Variants in LRCH1 observed in about 807,000 individuals in gnomAD.
LRCH1 encodes the protein leucine-rich repeat and calponin homology domain-containing protein 1.
Under a neutral mutation model 94.9 loss-of-function variants are expected in LRCH1, and 23 were observed. The observed-to-expected ratio is 0.24, with a 90% CI of 0.17 to 0.34. LRCH1 has a LOEUF of 0.34. LRCH1 is among the 10% of genes least tolerant of loss of function. LRCH1 has a pLI of 1.00. For synonymous variants in LRCH1, 364 were observed against 354.9 expected (o/e 1.03, Z -0.29); for missense variants, 790 against 945.9 (o/e 0.84, Z 2.16).
chr13:46,628,962 T>C (rs1290352603), intron 1 of LRCH1, among the ~76,000 whole-genome samples: 1 of 152,200 alleles, frequency 6.6e-6, no homozygotes, highest in Non-Finnish European at 1.5e-5. Flanking sequence ...AATGTACCCA[T>C]TGGTTTATCC....
At chr13:46,602,978 G>GCATGCATACACA in intron 1 of LRCH1, among the ~76,000 whole-genome samples, 1 of 149,934 alleles carries the variant, frequency 6.7e-6, no homozygotes, top group South Asian at 2.1e-4. Flanking sequence ...ATACATGCAT[G>GCATGCATACACA]CATACATACA....
chr13:46,560,361 G>A (rs1400304613), intron 1 of LRCH1, among the ~76,000 whole-genome samples: 1 of 152,088 alleles, frequency 6.6e-6, no homozygotes, highest in Non-Finnish European at 1.5e-5. Context: ...AAACCTGTTT[G>A]TGAGGCCACT....
At chr13:46,691,369 G>A (rs1209615030) in intron 7 of LRCH1, among the ~76,000 whole-genome samples, 1 of 152,202 alleles carries the variant, frequency 6.6e-6, no homozygotes, top group African/African-American at 2.4e-5. Context: ...ACACAGAGCA[G>A]TTCTTTTTAA....
At chr13:46,748,222 T>A (rs1350793464), downstream of LRCH1, among the ~76,000 whole-genome samples, 6 of 152,082 alleles carry the variant, frequency 3.9e-5, no homozygotes, top group African/African-American at 1.4e-4. Flanking sequence ...CCCATCCATT[T>A]ATCAGAAAAA....
intron 1 of LRCH1, among the ~76,000 whole-genome samples, chr13:46,554,297 G>A (rs1197860069): frequency 6.6e-6 from 1 of 152,242 alleles, no homozygotes; most frequent in Non-Finnish European, 1.5e-5. Context: ...CGCCTGTGAG[G>A]TGCCCAAGTT....
intron 3 of LRCH1, among the ~76,000 whole-genome samples, chr13:46,681,126 T>C (rs2051744775): frequency 6.6e-6 from 1 of 152,240 alleles, no homozygotes; most frequent in African/African-American, 2.4e-5. Context: ...AAGACAAGAA[T>C]TGCTTGTGAA....
chr13:46,633,966 A>G (rs1050947861), intron 1 of LRCH1, among the ~76,000 whole-genome samples: 1 of 139,768 alleles, frequency 7.2e-6, no homozygotes, highest in East Asian at 2.1e-4. Flanking sequence ...TGCAACCTCC[A>G]TCTCCCGGGT....
chr13:46,631,808 T>A (rs2051020725), intron 1 of LRCH1, among the ~76,000 whole-genome samples: 1 of 152,232 alleles, frequency 6.6e-6, no homozygotes, highest in South Asian at 2.1e-4. Flanking sequence ...AGTTTTCCAC[T>A]TTTTAGCTGT....
chr13:46,692,830 C>G (rs941346136), intron 8 of LRCH1, among the ~76,000 whole-genome samples, 189 bp downstream of exon 8: 2 of 152,116 alleles, frequency 1.3e-5, no homozygotes, highest in African/African-American at 4.8e-5. Context: ...CTAATCATCT[C>G]CATTTTATAG....
chr13:46,656,042 C>T (rs2051365956), intron 2 of LRCH1, among the ~76,000 whole-genome samples: 1 of 152,194 alleles, frequency 6.6e-6, no homozygotes, highest in African/African-American at 2.4e-5. Context: ...GCTTTCTCTG[C>T]AGCCTGGCAT....
chr13:46,740,500 T>A (rs1873596911), intron 19 of LRCH1, among the ~76,000 whole-genome samples: 1 of 152,212 alleles, frequency 6.6e-6, no homozygotes, highest in South Asian at 2.1e-4. Flanking sequence ...CATCTTTCAG[T>A]CACTCCATGA....
chr13:46,608,639 T>G (rs961122305), intron 1 of LRCH1, among the ~76,000 whole-genome samples: 4 of 152,198 alleles, frequency 2.6e-5, no homozygotes, highest in Middle Eastern at 3.2e-3. Context: ...CTGTTTCCTC[T>G]TTTACTACTA....
At chr13:46,588,748 C>A (rs1344019727) in intron 1 of LRCH1, among the ~76,000 whole-genome samples, 1 of 151,478 alleles carries the variant, frequency 6.6e-6, no homozygotes, top group Non-Finnish European at 1.5e-5. Context: ...TTACAGGCGC[C>A]CGCCACTACA....
At chr13:46,571,296 C>G (rs1441831837) in intron 1 of LRCH1, among the ~76,000 whole-genome samples, 1 of 152,206 alleles carries the variant, frequency 6.6e-6, no homozygotes, top group African/African-American at 2.4e-5. Context: ...AATATGTCCT[C>G]CACTTTTGTT....
chr13:46,703,957 A>G (rs1037061505), intron 11 of LRCH1, among the ~76,000 whole-genome samples: 8 of 152,100 alleles, frequency 5.3e-5, no homozygotes, highest in Admixed American at 2.6e-4. Context: ...AACATTCCCA[A>G]CTAACCTTCC....
chr13:46,606,989 C>T (rs996465426), intron 1 of LRCH1, among the ~76,000 whole-genome samples: 11 of 152,124 alleles, frequency 7.2e-5, no homozygotes, highest in African/African-American at 2.7e-4. Context: ...AGGGGAAAGC[C>T]GAGGCCAGAG....
chr13:46,695,095 C>T, intron 9 of LRCH1, 78 bp downstream of exon 9: 1 of 1,529,170 alleles, frequency 6.5e-7, no homozygotes. Context: ...TTGAAGGTTG[C>T]CAATCCATCC....
Position 46,601,950 on chromosome 13 carries a change from C to G in LRCH1, c.307+48247C>G, listed in dbSNP as rs185496502. Reference sequence around the variant, plus strand: ...TTTAATAAACCTAAGAATTAATAGCCTGTGTTCAGTAGTTGGATTTGTAAC... The same window carrying G: ...TTTAATAAACCTAAGAATTAATAGCGTGTGTTCAGTAGTTGGATTTGTAAC... On this transcript the variant is annotated intron_variant, in intron 1 of 19. Coordinates refer to ENST00000389797, the MANE Select transcript of LRCH1 (RefSeq NM_001164211.2). Among the ~76,000 whole-genome samples, 192 of 152,252 alleles carry G rather than the reference C, an allele frequency of 1.3e-3. No individual in the cohort carries two copies. In the Middle Eastern group the frequency reaches 0.014, roughly 11 times the overall value.
rs1180723657 is a variant in LRCH1 at position 46,557,792 on chromosome 13, G to C, written c.307+4089G>C. Among the ~76,000 whole-genome samples the C allele has an allele frequency of 3.3e-5, 5 of 151,780 alleles. No homozygotes were observed. In the East Asian group the frequency reaches 7.8e-4, roughly 24 times the overall value. On this transcript the variant is annotated intron_variant, in intron 1 of 19. Transcript: ENST00000389797. ...CAGGAGGCGGAGGTTGCAGTGAGCT[G>C]AGGTTGCAGTGAGCTGAGGTCGCAC...
Sources: allele counts gnomAD v4.1 joint callset (sites outside exome capture counted in the v4.1 genomes callset), GRCh38; gene constraint gnomAD v4.1.1; transcripts MANE v1.5; gene names NCBI Gene and HGNC (gene_info 2026-07-23, HGNC 2026-07-21).